SIL1: variants seen among roughly 807,000 people sequenced by gnomAD.
SIL1 encodes SIL1 nucleotide exchange factor, also known as nucleotide exchange factor SIL1.
A neutral mutation model predicts 49.1 loss-of-function variants in SIL1; 40 were observed. The ratio of observed to expected loss-of-function variants is 0.81; its 90% CI spans 0.63 to 1.06. The LOEUF is 1.06. Ranked by LOEUF, SIL1 falls within the 50% of genes least tolerant of loss-of-function variation. SIL1 has a pLI of 0.00. For synonymous variants in SIL1, 253 were observed against 250.8 expected, an observed-to-expected ratio of 1.01 and a Z score of -0.08; for missense variants, 500 against 572.6, an observed-to-expected ratio of 0.87 and a Z score of 1.29.
chr5:139,119,295 GGGT>G (rs1750556011), intron 3 of SIL1, among the ~76,000 whole-genome samples: 1 of 152,178 alleles, frequency 6.6e-6, no homozygotes, highest in African/African-American at 2.4e-5. Context: ...ACTGCCCAGA[GGGT>G]TGGGCAAGGG....
chr5:139,040,997 G>A (rs1769035882), intron 5 of SIL1, among the ~76,000 whole-genome samples: 1 of 152,162 alleles, frequency 6.6e-6, no homozygotes, highest in Admixed American at 6.5e-5. Context: ...CATCCACAGA[G>A]AAGACGCTGA....
chr5:139,159,703 A>T (rs1410270798), intron 1 of SIL1, among the ~76,000 whole-genome samples: 1 of 152,148 alleles, frequency 6.6e-6, no homozygotes, highest in African/African-American at 2.4e-5. Flanking sequence ...GTGTGTGTGC[A>T]TGTGTAAGAG....
intron 7 of SIL1, among the ~76,000 whole-genome samples, chr5:138,996,454 T>C (rs1188944904): frequency 3.9e-5 from 6 of 152,122 alleles, no homozygotes; most frequent in Non-Finnish European, 8.8e-5. Context: ...TTGCAAATTA[T>C]TTTATTCCAT....
At chr5:139,124,750 C>G (rs1750721337) in intron 2 of SIL1, among the ~76,000 whole-genome samples, 1 of 152,192 alleles carries the variant, frequency 6.6e-6, no homozygotes, top group Non-Finnish European at 1.5e-5. Flanking sequence ...TTTATTAAGC[C>G]CTGATCATAT....
intron 1 of SIL1, among the ~76,000 whole-genome samples, chr5:139,191,222 A>C (rs567257333): frequency 0.016 from 526 of 33,846 alleles, 1 homozygote; most frequent in African/African-American, 0.066. Context: ...ACTCTGTCTC[A>C]AAAAAAAAAA....
At chr5:138,971,319 CAG>C (rs1189111525) in intron 7 of SIL1, among the ~76,000 whole-genome samples, 14 of 152,152 alleles carry the variant, frequency 9.2e-5, no homozygotes, top group African/African-American at 3.4e-4. Flanking sequence ...GATTTGTTTG[CAG>C]AGATCCCATG....
chr5:139,149,956 A>G (rs1405271643), intron 1 of SIL1, among the ~76,000 whole-genome samples: 1 of 152,190 alleles, frequency 6.6e-6, no homozygotes, highest in Non-Finnish European at 1.5e-5. Context: ...CCCATGGTGA[A>G]TGAGAGATAA....
chr5:139,093,483 G>A (rs899119223), intron 3 of SIL1, among the ~76,000 whole-genome samples: 3 of 152,130 alleles, frequency 2.0e-5, no homozygotes, highest in Non-Finnish European at 4.4e-5. Context: ...TGTGTGAAAA[G>A]GTAATAACCT....
At chr5:138,966,630 C>CAA (rs1767149465) in intron 7 of SIL1, among the ~76,000 whole-genome samples, 1 of 152,058 alleles carries the variant, frequency 6.6e-6, no homozygotes, top group Non-Finnish European at 1.5e-5. Context: ...ACAAACAAAA[C>CAA]AAAAAACCCG....
intron 7 of SIL1, among the ~76,000 whole-genome samples, chr5:138,958,250 A>T (rs770923222): frequency 2.0e-5 from 3 of 152,164 alleles, no homozygotes; most frequent in Non-Finnish European, 4.4e-5. Flanking sequence ...GGATTTGTCC[A>T]ATGTGTTCTA....
At chr5:139,045,157 G>C (rs1187610275) in intron 4 of SIL1, among the ~76,000 whole-genome samples, 1 of 152,014 alleles carries the variant, frequency 6.6e-6, no homozygotes, top group Non-Finnish European at 1.5e-5. Flanking sequence ...AGGAGTTCAA[G>C]ACCAGTAAGG....
rs755966634 is a variant in SIL1, at chr5:139,051,087, C to A, written c.245-41G>T. 4 of 1,589,504 alleles carry A rather than the reference C, an allele frequency of 2.5e-6. No homozygotes were observed. The East Asian group carries it at 6.7e-5, about 27-fold the overall frequency. On this transcript the variant is annotated intron_variant, in intron 3 of 9. Coordinates refer to ENST00000394817, the MANE Select transcript of SIL1 (RefSeq NM_022464.5). Reference sequence around the variant, plus strand: ...AGAAAAGGCTCATGAGGTACAAGGTCTTTGGAAGGCTGTCGGGATGGCCAG... The same window carrying A: ...AGAAAAGGCTCATGAGGTACAAGGTATTTGGAAGGCTGTCGGGATGGCCAG...
chr5:139,172,418 G>T (rs1033997783), intron 1 of SIL1, among the ~76,000 whole-genome samples: 19 of 152,182 alleles, frequency 1.2e-4, no homozygotes, highest in African/African-American at 4.6e-4. Context: ...CAAATCATGA[G>T]GTCAGGAGTT....
chr5:139,128,296 T>C (rs1359068529), intron 1 of SIL1, among the ~76,000 whole-genome samples: 1 of 152,132 alleles, frequency 6.6e-6, no homozygotes, highest in Non-Finnish European at 1.5e-5. Context: ...ATCAATATCC[T>C]CTAAGACAGC....
chr5:138,987,536 A>G (rs1165111671), intron 7 of SIL1, among the ~76,000 whole-genome samples: 1 of 152,140 alleles, frequency 6.6e-6, no homozygotes. Context: ...AATGTGTAGG[A>G]CCTCTAGAAG....
intron 1 of SIL1, among the ~76,000 whole-genome samples, chr5:139,183,166 C>T (rs1428648096): frequency 6.6e-6 from 1 of 152,180 alleles, no homozygotes; most frequent in Admixed American, 6.5e-5. Flanking sequence ...CTCTCTGGCC[C>T]GGCACAGGTC....
intron 3 of SIL1, among the ~76,000 whole-genome samples, chr5:139,106,417 C>T (rs1770713573): frequency 1.3e-5 from 2 of 152,220 alleles, no homozygotes; most frequent in Non-Finnish European, 2.9e-5. Flanking sequence ...ATACACAATT[C>T]GGAGCCTAGC....
rs1406426091 is a variant in SIL1, at chr5:139,067,863, T to C, written c.245-16817A>G. The stretch of plus-strand genomic sequence containing the variant: ...TGTCTAGGAATTTATCTAATAGAAA[T>C]GTTCACAGAAGTGCACAATGATATA... On this transcript the variant is annotated intron_variant, in intron 3 of 9. Coordinates refer to ENST00000394817, the MANE Select transcript of SIL1 (RefSeq NM_022464.5). 3.3e-5 allele frequency among the ~76,000 whole-genome samples: 5 copies of C among 152,354 alleles called. No homozygotes were observed. The East Asian group carries it at 9.6e-4, about 29-fold the overall frequency.
chr5:139,079,531 G>T (rs1204283288), intron 3 of SIL1, among the ~76,000 whole-genome samples: 3 of 152,190 alleles, frequency 2.0e-5, no homozygotes, highest in Admixed American at 6.5e-5. Context: ...ATAAATAATG[G>T]ATAAAAACAA....
Sources: gnomAD v4.1 joint callset for allele counts (sites outside exome capture counted in the v4.1 genomes callset) on GRCh38, gnomAD v4.1.1 for gene constraint, MANE v1.5 for transcripts, NCBI Gene and HGNC (gene_info 2026-07-23, HGNC 2026-07-21) for gene names.